SLC4A9: variants seen among roughly 807,000 people sequenced by gnomAD.
SLC4A9 encodes solute carrier family 4 member 9, also known as anion exchange protein 4.
A neutral mutation model predicts 103.2 loss-of-function variants in SLC4A9; 102 were observed. That is an observed-to-expected ratio of 0.99 (90% CI 0.84 to 1.17). The LOEUF is 1.17. Among genes scored for constraint, SLC4A9 ranks in the 50% most tolerant of loss-of-function variants. The probability of loss-of-function intolerance (pLI) is 0.00; values close to 1 mark genes in which losing one functional copy is unlikely to be tolerated. For synonymous variants in SLC4A9, 453 were observed against 483.6 expected (o/e 0.94, Z 0.83); for missense variants, 1,091 against 1,193.7 (o/e 0.91, Z 1.27).
At chr5:140,371,360 G>A in intron 18 of SLC4A9, 91 bp from the exon 19 acceptor site, 1 of 1,524,210 alleles carries the variant, frequency 6.6e-7, no homozygotes, top group Non-Finnish European at 9.0e-7. Flanking sequence ...CTCTCTGCCT[G>A]CTCCCAGTGC....
chr5:140,367,129 T>C (rs1293089449), intron 14 of SLC4A9, among the ~76,000 whole-genome samples: 1 of 152,112 alleles, frequency 6.6e-6, no homozygotes, highest in African/African-American at 2.4e-5. Context: ...GCTCTGTACA[T>C]CAAGAAGTGT....
At position 140,364,563 on chromosome 5, in the gene SLC4A9, A is replaced by G. The variant is rs1196378750; in HGVS notation, c.1589A>G (p.Tyr530Cys). 1 of 1,604,566 alleles carries G rather than the reference A, an allele frequency of 6.2e-7. No individual in the cohort carries two copies. The highest frequency in any genetic ancestry group is 8.5e-7 in the Non-Finnish European group (1 of 1,175,372). The part of the protein sequence containing the change: ...VGKMLNLTHT[Y>C]PIQKPGSSAY... ...AAAATGCTGAACTTGACCCATACCTATCCTATCCAGAAGCCTGGGTCCTCT... is the reference window on the plus strand; with the variant it reads ...AAAATGCTGAACTTGACCCATACCTGTCCTATCCAGAAGCCTGGGTCCTCT... The change falls in exon 11 of 22, where the codon TAT becomes TGT. Residue 530 changes from tyrosine (Y) to cysteine (C), a missense_variant. Transcript: ENST00000506757.
At chr5:140,372,142 T>C (rs1768813740) in intron 19 of SLC4A9, 100 bp from the exon 20 acceptor site, 1 of 1,066,744 alleles carries the variant, frequency 9.4e-7, no homozygotes, top group Non-Finnish European at 1.3e-6. Context: ...GAAACTGATA[T>C]ACAATGCCTA....
chr5:140,366,292 AC>A, intron 14 of SLC4A9, 28 bp downstream of exon 14: 1 of 1,511,724 alleles, frequency 6.6e-7, no homozygotes, highest in Non-Finnish European at 9.0e-7. Flanking sequence ...GGGTTGGGGG[AC>A]CAGAGGGGAA....
At chr5:140,364,848 G>A (rs1454422180) in intron 11 of SLC4A9, among the ~76,000 whole-genome samples, 1 of 152,224 alleles carries the variant, frequency 6.6e-6, no homozygotes, top group Non-Finnish European at 1.5e-5. Context: ...AGGAACATGG[G>A]TTATATCTGT....
chr5:140,371,695 G>T, intron 19 of SLC4A9, 71 bp downstream of exon 19: 1 of 1,540,548 alleles, frequency 6.5e-7, no homozygotes, highest in Non-Finnish European at 8.9e-7. Flanking sequence ...GGGTGGCCAA[G>T]GCCTCCACGA....
chr5:140,364,009 C>A (rs1643275485), intron 9 of SLC4A9, 45 bp from the exon 10 acceptor site: 1 of 1,531,388 alleles, frequency 6.5e-7, no homozygotes, highest in African/African-American at 1.4e-5. Context: ...TTCAAAGGAC[C>A]CCGAGGACTT....
chr5:140,374,208 A>G (rs1389722851), intron 21 of SLC4A9, among the ~76,000 whole-genome samples: 4 of 150,876 alleles, frequency 2.7e-5, no homozygotes, highest in Non-Finnish European at 4.4e-5. Context: ...ATCAAAAACA[A>G]AAATCTCTCT....
At chr5:140,372,980 G>C (rs1768949644) in intron 21 of SLC4A9, 137 bp downstream of exon 21, 3 of 516,528 alleles carry the variant, frequency 5.8e-6, no homozygotes, top group Non-Finnish European at 1.0e-5. Flanking sequence ...GGGGTGCTGG[G>C]GTGTAGAAGG....
Position 140,362,518 on chromosome 5 carries a change from C to T in SLC4A9, c.793C>T (p.Leu265Phe). ...TGAGATGGGACGGGCAGCAGCTGTC[C>T]TCCTCAGTGACCCGGTGAGCTGAGC... ...YHEMGRAAAVLLSDPQFQWSV... is the reference protein window; with the variant it reads ...YHEMGRAAAVFLSDPQFQWSV... The change falls in exon 6 of 22, where the codon CTC becomes TTC. Residue 265 changes from leucine (L) to phenylalanine (F), a missense_variant. Transcript: ENST00000506757. The T allele has an allele frequency of 1.9e-6, 3 of 1,613,918 alleles. No homozygotes were observed. The highest frequency in any genetic ancestry group is 1.7e-6 in the Non-Finnish European group (2 of 1,179,790).
intron 4 of SLC4A9, 31 bp from the exon 5 acceptor site, chr5:140,361,986 A>G: frequency 6.2e-7 from 1 of 1,613,626 alleles, no homozygotes; most frequent in Non-Finnish European, 8.5e-7. Flanking sequence ...ATAACCTTTC[A>G]TATTCTGTGT....
At chr5:140,360,529 T>C in intron 1 of SLC4A9, 63 bp downstream of exon 1, 2 of 1,436,392 alleles carry the variant, frequency 1.4e-6, no homozygotes, top group Non-Finnish European at 9.5e-7. Context: ...GCCTCCTATA[T>C]GTCCCCCAGC....
At chr5:140,367,295 C>A in intron 14 of SLC4A9, 125 bp from the exon 15 acceptor site, 2 of 1,165,776 alleles carry the variant, frequency 1.7e-6, no homozygotes, top group Non-Finnish European at 2.4e-6. Context: ...TATGCACACA[C>A]AGCCCACTAG....
At position 140,360,911 on chromosome 5, in the gene SLC4A9, C is replaced by T. The variant is rs1766978454; in HGVS notation, c.330C>T (p.Ser110=). 1 of 1,606,558 alleles carries T rather than the reference C, an allele frequency of 6.2e-7. No homozygotes were observed. The highest frequency in any genetic ancestry group is 8.5e-7 in the Non-Finnish European group (1 of 1,177,064). Residue 110 remains serine, a synonymous_variant, in exon 2 of 22, where the codon AGC becomes AGT. Coordinates refer to ENST00000506757, the MANE Select transcript of SLC4A9 (RefSeq NM_031467.3). ...LALPSLQKLR[S]LLAEGLVLLD... ...TGCCCAGCCTCCAGAAGCTCCGCAG[C>T]CTGCTGGCCGAGGGCCTTGTACTGC...
chr5:140,364,605 GCCAATACC>G lies in SLC4A9; in HGVS notation c.1633_1640del (p.Gln545ArgfsTer6), dbSNP rs1375570529. 1 of 1,601,136 alleles carries G rather than the reference GCCAATACC, an allele frequency of 6.2e-7. No homozygotes were observed. Among genetic ancestry groups the G allele is most frequent in the African/African-American group, 1.3e-5 (1 of 74,698 alleles). On this transcript the variant is annotated frameshift_variant, in exon 11 of 22. Coordinates refer to ENST00000506757, the MANE Select transcript of SLC4A9 (RefSeq NM_031467.3). LOFTEE classifies it high-confidence loss of function. ...GGGTCCTCTGCCTACGGGTGCCTCT[GCCAATACC>G]CAGGCCCAGGAGGTGGGTAAGGGAA...
rs1419892770 is a variant in SLC4A9, at chr5:140,365,583, G to A, written c.1710+5G>A. 1.2e-6 allele frequency: 2 copies of A among 1,611,030 alleles called. No homozygotes were observed. Among genetic ancestry groups the A allele is most frequent in the African/African-American group, 1.3e-5 (1 of 74,824 alleles). ...AGAGACGACATTGTAAGCATGGTGA[G>A]GGACTGCTCCTGGGAGGTTCTAGGA... is the stretch of plus-strand genomic sequence containing the variant. On this transcript the variant is annotated splice_donor_5th_base_variant and intron_variant, in intron 12 of 21. Transcript: ENST00000506757.
chr5:140,372,681 T>C (rs899918202), intron 20 of SLC4A9, 64 bp from the exon 21 acceptor site: 1 of 1,475,714 alleles, frequency 6.8e-7, no homozygotes, highest in African/African-American at 1.4e-5. Context: ...TTTACCTCTA[T>C]GTTGTCTTTC....
chr5:140,360,336 G>T lies in SLC4A9; in HGVS notation c.100G>T (p.Gly34Cys). 4 of 1,611,762 alleles carry T rather than the reference G, an allele frequency of 2.5e-6. No homozygotes were observed. Among genetic ancestry groups the T allele is most frequent in the Non-Finnish European group, 3.4e-6 (4 of 1,178,946 alleles). Reference sequence around the variant, plus strand: ...GGACAGCAACCCTGACCCTGGCACCGGCCCCAGCCCTGATGGCCCCTCAGA... The same window carrying T: ...GGACAGCAACCCTGACCCTGGCACCTGCCCCAGCCCTGATGGCCCCTCAGA... The part of the protein sequence containing the change: ...ELDSNPDPGT[G>C]PSPDGPSDTE... The change falls in exon 1 of 22, where the codon GGC becomes TGC. Residue 34 changes from glycine to cysteine, a missense_variant. Coordinates refer to ENST00000506757, the MANE Select transcript of SLC4A9 (RefSeq NM_031467.3).
At position 140,371,075 on chromosome 5, in the gene SLC4A9, T is replaced by C. The variant is rs1241428387; in HGVS notation, c.2428-20T>C. On this transcript the variant is annotated intron_variant, in intron 17 of 21. Transcript: ENST00000506757. ...GTTGGCAGAGGTAAACTTTGATAAC[T>C]CTCTGCTTCTTTCTACCAGTTCATT... 1.9e-6 allele frequency: 3 copies of C among 1,604,046 alleles called. No individual in the cohort carries two copies. The highest frequency in any genetic ancestry group is 2.6e-6 in the Non-Finnish European group (3 of 1,175,082).
Sources: allele counts gnomAD v4.1 joint callset (sites outside exome capture counted in the v4.1 genomes callset), GRCh38; gene constraint gnomAD v4.1.1; transcripts MANE v1.5; gene names NCBI Gene and HGNC (gene_info 2026-07-23, HGNC 2026-07-21).